The following TMEM67 variants were observed in gnomAD, a reference collection of about 807,000 sequenced individuals.
TMEM67 encodes the protein transmembrane protein 67.
In TMEM67, 124 loss-of-function variants were observed where a neutral mutation model predicts 136.6. The ratio of observed to expected loss-of-function variants is 0.91; its 90% CI spans 0.78 to 1.05. The LOEUF (loss-of-function observed/expected upper bound fraction) is 1.05, where lower values mean the gene tolerates loss of function less well. TMEM67 is among the 50% of genes least tolerant of loss of function. The pLI is 0.00. For missense variants in TMEM67, 1,107 were observed against 1,178.4 expected (o/e 0.94, Z 0.89); for synonymous variants, 364 against 390.5 (o/e 0.93, Z 0.80).
intron 21 of TMEM67, among the ~76,000 whole-genome samples, chr8:93,802,863 T>C (rs1187882047): frequency 6.6e-6 from 1 of 152,204 alleles, no homozygotes; most frequent in African/African-American, 2.4e-5. Context: ...TATTGGATGC[T>C]GTGCTGAGCT....
intron 1 of TMEM67, 48 bp downstream of exon 1, chr8:93,755,185 G>C (rs753854958): frequency 6.5e-7 from 1 of 1,536,304 alleles, no homozygotes; most frequent in Admixed American, 1.7e-5. Flanking sequence ...CTCCCGCCTT[G>C]GTCGGCCCCT....
At chr8:93,808,520 A>ATC (rs1206397046) in intron 23 of TMEM67, among the ~76,000 whole-genome samples, 336 of 8,972 alleles carry the variant, frequency 0.037, no homozygotes, top group Middle Eastern at 0.14. Flanking sequence ...ATATATATTT[A>ATC]TAATCTATAT....
chr8:93,772,643 G>C lies in TMEM67; in HGVS notation c.706G>C (p.Ala236Pro). 1 of 1,611,030 alleles carries C rather than the reference G, an allele frequency of 6.2e-7. No homozygotes were observed. The highest frequency in any genetic ancestry group is 8.5e-7 in the Non-Finnish European group (1 of 1,178,054). The change falls in exon 7 of 28, where the codon GCA (alanine) becomes CCA (proline). Residue 236 changes from alanine to proline, a missense_variant. This residue lies in a region of TMEM67 where 925 missense variants were observed against 1,002.4 expected (regional missense o/e 0.92). Transcript: ENST00000453321. Reference sequence around the variant, plus strand: ...AAAGTATTTGCAATCATCAGCAGCTGCATGTTGGGTAAGTTTGAATTTTTT... The same window carrying C: ...AAAGTATTTGCAATCATCAGCAGCTCCATGTTGGGTAAGTTTGAATTTTTT... The part of the protein sequence containing the change: ...FAKYLQSSAA[A>P]CWVYANLTSC...
intron 3 of TMEM67, chr8:93,759,900 C>G (rs1462608991): frequency 7.4e-7 from 1 of 1,347,036 alleles, no homozygotes; most frequent in South Asian, 1.3e-5. Flanking sequence ...CTGCCTGCCT[C>G]AGCCTCCCAA....
Position 93,780,698 on chromosome 8 carries a change from A to G in TMEM67, c.820A>G (p.Ile274Val). The G allele has an allele frequency of 6.2e-7, 1 of 1,614,042 alleles. No individual in the cohort carries two copies. The highest frequency in any genetic ancestry group is 8.5e-7 in the Non-Finnish European group (1 of 1,180,018). Residue 274 changes from isoleucine (I) to valine (V), a missense_variant, in exon 8 of 28, where the codon ATC (isoleucine) becomes GTC (valine). Transcript: ENST00000453321. ...TGATGCATGTGGACTATTTCAGTTT[A>G]TCTTTGAAAATACTGCTGGACTGAG... ...TFDACGLFQF[I>V]FENTAGLSTV...
intron 3 of TMEM67, among the ~76,000 whole-genome samples, chr8:93,762,776 C>A (rs1812907119): frequency 7.8e-6 from 1 of 128,962 alleles, no homozygotes; most frequent in Non-Finnish European, 1.7e-5. Context: ...AATTTTTTTT[C>A]CCTGTTTTAT....
chr8:93,826,879 G>A, the TMEM67 span, among the ~76,000 whole-genome samples: 24 of 152,142 alleles, frequency 1.6e-4, no homozygotes, highest in African/African-American at 5.5e-4. Flanking sequence ...GCCCAAGCTG[G>A]AGTGCAATGG....
At chr8:93,777,756 G>T (rs1382557966) in intron 7 of TMEM67, among the ~76,000 whole-genome samples, 1 of 152,162 alleles carries the variant, frequency 6.6e-6, no homozygotes, top group Non-Finnish European at 1.5e-5. Context: ...ATTTGCTGAG[G>T]AGTGCTTTAT....
chr8:93,804,481 ATTTTTTTT>A (rs59657661), intron 22 of TMEM67, among the ~76,000 whole-genome samples: 7 of 87,152 alleles, frequency 8.0e-5, no homozygotes, highest in Admixed American at 1.2e-4. Context: ...ACACTCAGCT[ATTTTTTTT>A]TTTTTTTTTT....
chr8:93,804,801 T>A lies in TMEM67; in HGVS notation c.2362T>A (p.Tyr788Asn). The change falls in exon 23 of 28, where the codon TAC becomes AAC. Residue 788 changes from tyrosine to asparagine, a missense_variant. Physicochemically the swap from Tyr to Asn is moderately radical, Grantham distance 143. Around this residue, in one of 3 missense-constraint regions of TMEM67, gnomAD observed 925 missense variants for 1,002.4 expected, o/e 0.92. Transcript: ENST00000453321. ...GTTATCCCACAAATGTTTTGGATAT[T>A]ACATTCATGGTAGATCAGTACATGG... is the stretch of plus-strand genomic sequence containing the variant. The part of the protein sequence containing the change: ...FLLSHKCFGY[Y>N]IHGRSVHGHA... The A allele has an allele frequency of 6.2e-7, 1 of 1,608,294 alleles. No individual in the cohort carries two copies. The highest frequency in any genetic ancestry group is 8.5e-7 in the Non-Finnish European group (1 of 1,175,060).
At chr8:93,781,394 T>C (rs1206513691) in intron 9 of TMEM67, among the ~76,000 whole-genome samples, 1 of 152,198 alleles carries the variant, frequency 6.6e-6, no homozygotes, top group Non-Finnish European at 1.5e-5. Flanking sequence ...TCTCCCACAC[T>C]GCCTCCTATT....
At chr8:93,778,046 G>A (rs1813636508) in intron 7 of TMEM67, among the ~76,000 whole-genome samples, 1 of 152,232 alleles carries the variant, frequency 6.6e-6, no homozygotes, top group East Asian at 1.9e-4. Flanking sequence ...CCTGTATTGG[G>A]TGCATATATA....
chr8:93,804,298 C>CTCTTTTCTTT (rs780151755), intron 22 of TMEM67, among the ~76,000 whole-genome samples: 4 of 99,248 alleles, frequency 4.0e-5, no homozygotes, highest in African/African-American at 1.4e-4. Context: ...CTTTTCTTTT[C>CTCTTTTCTTT]TCTTTTCTTT....
At chr8:93,824,085 G>A (rs1404270440), downstream of TMEM67, among the ~76,000 whole-genome samples, 1 of 152,192 alleles carries the variant, frequency 6.6e-6, no homozygotes, top group African/African-American at 2.4e-5. Flanking sequence ...TTTTGCAGCT[G>A]CTCTCATTGT....
At chr8:93,830,692 A>G in the TMEM67 span, among the ~76,000 whole-genome samples, 1 of 152,238 alleles carries the variant, frequency 6.6e-6, no homozygotes, top group East Asian at 1.9e-4. Context: ...GTGTTATTTT[A>G]TCCACACTTA....
At chr8:93,772,884 AACTG>A (rs138592899) in intron 7 of TMEM67, among the ~76,000 whole-genome samples, 247 of 152,318 alleles carry the variant, frequency 1.6e-3, no homozygotes, top group African/African-American at 5.8e-3. Context: ...TGTTAGGGGA[AACTG>A]ACTGTCACTT....
chr8:93,798,226 C>G (rs1204415482), intron 20 of TMEM67, among the ~76,000 whole-genome samples: 1 of 152,144 alleles, frequency 6.6e-6, no homozygotes, highest in Non-Finnish European at 1.5e-5. Flanking sequence ...TGGTTTGTAT[C>G]AGAATCCCTT....
At chr8:93,800,235 A>G (rs1476470940) in intron 21 of TMEM67, among the ~76,000 whole-genome samples, 2 of 152,160 alleles carry the variant, frequency 1.3e-5, no homozygotes. Flanking sequence ...ATATTGTATT[A>G]GTCACTGTGC....
At chr8:93,772,321 C>G (rs1813362157) in intron 6 of TMEM67, among the ~76,000 whole-genome samples, 2 of 152,036 alleles carry the variant, frequency 1.3e-5, no homozygotes, top group African/African-American at 2.4e-5. Context: ...TTGTTTGCCA[C>G]TTTATTTTTT....
Sources: allele counts gnomAD v4.1 joint callset (sites outside exome capture counted in the v4.1 genomes callset), GRCh38; gene constraint gnomAD v4.1.1; regional missense constraint gnomAD v4.1.1; transcripts MANE v1.5; gene names NCBI Gene and HGNC (gene_info 2026-07-23, HGNC 2026-07-21).